The following SASH1 variants were observed in gnomAD, a reference collection of about 807,000 sequenced individuals.
The protein encoded by SASH1 is SAM and SH3 domain containing 1, also known as SAM and SH3 domain-containing protein 1.
Under a neutral mutation model 125.2 loss-of-function variants are expected in SASH1, and 44 were observed. The observed-to-expected ratio is 0.35, with a 90% CI of 0.28 to 0.45. SASH1 has a LOEUF of 0.45. Among genes scored for constraint, SASH1 ranks in the 20% least tolerant of loss-of-function variants. SASH1 has a pLI of 1.00. For synonymous variants in SASH1, 639 were observed against 649.1 expected (o/e 0.98, Z 0.24); for missense variants, 1,426 against 1,614.5 (o/e 0.88, Z 2.00).
Position 148,514,576 on chromosome 6 carries a change from T to G in SASH1, c.862+120T>G, listed in dbSNP as rs1780338093. 69 of 1,225,748 alleles carry G rather than the reference T, an allele frequency of 5.6e-5. 1 individual carries two copies. In the South Asian group the frequency reaches 1.2e-3, roughly 21 times the overall value. The allele number at this position is 1,225,748 out of a possible 1,614,324, so 75.9% of individuals were successfully genotyped here. A position where few individuals can be genotyped will look rare whatever the true frequency, so the allele number is the denominator to read the frequency against. On this transcript the variant is annotated intron_variant, in intron 9 of 19. Transcript: ENST00000367467. Reference sequence around the variant, plus strand: ...ATACGATTTCAAGTGGAAAATGCATTGAGCTCTGGCTGAATCTGGCAGGAC... The same window carrying G: ...ATACGATTTCAAGTGGAAAATGCATGGAGCTCTGGCTGAATCTGGCAGGAC...
intron 15 of SASH1, 52 bp from the exon 16 acceptor site, chr6:148,534,699 T>C (rs895961806): frequency 1.3e-6 from 2 of 1,595,280 alleles, no homozygotes; most frequent in Non-Finnish European, 1.7e-6. Context: ...GGCGGTGTTA[T>C]CATGTGTCTG....
At chr6:148,436,451 G>C (rs1169581187) in intron 2 of SASH1, among the ~76,000 whole-genome samples, 1 of 152,012 alleles carries the variant, frequency 6.6e-6, no homozygotes, top group African/African-American at 2.4e-5. Context: ...GCTGCAGTGA[G>C]CCATGATCTC....
At chr6:148,489,578 G>A (rs147076546) in intron 8 of SASH1, among the ~76,000 whole-genome samples, 1 of 151,996 alleles carries the variant, frequency 6.6e-6, no homozygotes, top group Non-Finnish European at 1.5e-5. Flanking sequence ...TTAACTATAC[G>A]AAATCTTCCA....
intron 17 of SASH1, 78 bp from the exon 18 acceptor site, chr6:148,543,602 A>G: frequency 7.8e-7 from 1 of 1,274,862 alleles, no homozygotes; most frequent in South Asian, 1.5e-5. Flanking sequence ...GATTTCAATT[A>G]TGTTAGCACA....
chr6:148,471,239 A>G (rs187237316), intron 5 of SASH1, among the ~76,000 whole-genome samples, 178 bp from the exon 6 acceptor site: 8 of 152,216 alleles, frequency 5.3e-5, no homozygotes, highest in African/African-American at 1.4e-4. Flanking sequence ...TTTCTTTTAA[A>G]CAACTTTATA....
intron 2 of SASH1, among the ~76,000 whole-genome samples, chr6:148,423,285 A>G (rs2114952047): frequency 6.6e-6 from 1 of 152,354 alleles, no homozygotes; most frequent in Middle Eastern, 3.4e-3. Flanking sequence ...GACTAAGTCA[A>G]AAGTTTATTT....
chr6:148,223,918 T>A, the SASH1 span, among the ~76,000 whole-genome samples: 1 of 152,178 alleles, frequency 6.6e-6, no homozygotes, highest in Non-Finnish European at 1.5e-5. Context: ...AACATCCATA[T>A]CTCTATATAT....
chr6:148,253,740 C>A, the SASH1 span, among the ~76,000 whole-genome samples: 1 of 152,008 alleles, frequency 6.6e-6, no homozygotes, highest in Non-Finnish European at 1.5e-5. Context: ...GGCATGGTGG[C>A]ACGTGCCTGT....
chr6:148,422,342 C>T (rs1393103340), intron 2 of SASH1, among the ~76,000 whole-genome samples: 1 of 152,108 alleles, frequency 6.6e-6, no homozygotes, highest in African/African-American at 2.4e-5. Context: ...GTCAGTGATC[C>T]GTGTGAATTT....
the SASH1 span, among the ~76,000 whole-genome samples, chr6:148,230,558 T>G: frequency 2.0e-4 from 30 of 152,338 alleles, no homozygotes; most frequent in African/African-American, 7.2e-4. Flanking sequence ...TTAACATTGT[T>G]AGACATTGTC....
intron 1 of SASH1, among the ~76,000 whole-genome samples, chr6:148,281,942 A>G (rs936127974): frequency 5.3e-5 from 8 of 152,062 alleles, no homozygotes; most frequent in Non-Finnish European, 7.4e-5. Context: ...AAGGAAAAAG[A>G]AAAGAAAGAA....
intron 1 of SASH1, 129 bp downstream of exon 1, chr6:148,343,352 T>G: frequency 1.3e-6 from 1 of 774,090 alleles, no homozygotes; most frequent in Admixed American, 2.8e-5. Flanking sequence ...TGGCTCTAGT[T>G]CTTAGGGGGC....
the SASH1 span, among the ~76,000 whole-genome samples, chr6:148,231,667 T>A: frequency 6.6e-6 from 1 of 152,178 alleles, no homozygotes; most frequent in Non-Finnish European, 1.5e-5. Context: ...AGTGAATTCT[T>A]TATTGCCCCA....
chr6:148,314,376 T>C (rs1225514330), intron 1 of SASH1, among the ~76,000 whole-genome samples: 1 of 152,210 alleles, frequency 6.6e-6, no homozygotes, highest in African/African-American at 2.4e-5. Flanking sequence ...GAAATGGCCC[T>C]TTAAACTGTA....
intron 1 of SASH1, among the ~76,000 whole-genome samples, chr6:148,296,378 G>A (rs1306294700): frequency 3.9e-5 from 6 of 152,086 alleles, no homozygotes; most frequent in Admixed American, 1.3e-4. Context: ...CACCTGCCTC[G>A]ACCTCCCAAA....
chr6:148,355,244 T>A (rs1781884920), intron 1 of SASH1, among the ~76,000 whole-genome samples: 1 of 152,204 alleles, frequency 6.6e-6, no homozygotes, highest in Admixed American at 6.6e-5. Context: ...AAAAACCTTC[T>A]CAGAATGTAT....
At chr6:148,365,977 G>T in intron 1 of SASH1, among the ~76,000 whole-genome samples, 1 of 152,152 alleles carries the variant, frequency 6.6e-6, no homozygotes, top group East Asian at 1.9e-4. Flanking sequence ...GCCAGGCGTG[G>T]TGGCGTGCGC....
At chr6:148,537,474 A>C (rs973245256) in intron 16 of SASH1, among the ~76,000 whole-genome samples, 1 of 152,270 alleles carries the variant, frequency 6.6e-6, no homozygotes, top group Non-Finnish European at 1.5e-5. Flanking sequence ...GCCATTTCTA[A>C]GTATAAACAA....
In SASH1 at chr6:148,387,668, CTTTCTTTCTTTCTTTCTT is replaced by C. The variant is rs1583066310; in HGVS notation, c.157-2464_157-2447del. Reference sequence around the variant, plus strand: ...TCTTTCTTTCTTTCTTTCTTTCTTTCTTTCTTTCTTTCTTTCTTTCTTTCGGCATCCTTAGTAAATTAT... The same window carrying C: ...TCTTTCTTTCTTTCTTTCTTTCTTTCTCTTTCGGCATCCTTAGTAAATTAT... On this transcript the variant is annotated intron_variant, in intron 1 of 19. Coordinates refer to ENST00000367467, the MANE Select transcript of SASH1 (RefSeq NM_015278.5). Among the ~76,000 whole-genome samples, 6 of 72,922 alleles carry C rather than the reference CTTTCTTTCTTTCTTTCTT, an allele frequency of 8.2e-5. 1 individual carries two copies. The East Asian group carries it at 1.8e-3, about 22-fold the overall frequency. The allele number at this position is 72,922 out of a possible 152,430, so 47.8% of individuals were successfully genotyped here.
Sources: allele counts gnomAD v4.1 joint callset (sites outside exome capture counted in the v4.1 genomes callset), GRCh38; gene constraint gnomAD v4.1.1; transcripts MANE v1.5; gene names NCBI Gene and HGNC (gene_info 2026-07-23, HGNC 2026-07-21).